Variants in LRRTM4 observed in about 807,000 individuals in gnomAD.
The protein encoded by LRRTM4 is leucine rich repeat transmembrane neuronal 4, also known as leucine-rich repeat transmembrane neuronal protein 4.
Under a neutral mutation model 47.6 loss-of-function variants are expected in LRRTM4, and 25 were observed. The ratio of observed to expected loss-of-function variants is 0.53; its 90% CI spans 0.38 to 0.73. LRRTM4 has a LOEUF of 0.73. Ranked by LOEUF, LRRTM4 falls within the 30% of genes least tolerant of loss-of-function variation. The pLI is 0.00. For synonymous variants in LRRTM4, 311 were observed against 269.5 expected, an observed-to-expected ratio of 1.15 and a Z score of -1.51; for missense variants, 638 against 713.4, an observed-to-expected ratio of 0.89 and a Z score of 1.20.
At chr2:77,226,531 TTATATACATATATATATATA>T (rs1367201339) in intron 3 of LRRTM4, among the ~76,000 whole-genome samples, 2 of 84,106 alleles carry the variant, frequency 2.4e-5, no homozygotes, top group Non-Finnish European at 4.5e-5. Context: ...ACAGAGCAAA[TTATATACATATATATATATA>T]TATATATATA....
chr2:76,920,240 C>G (rs1156295734), intron 3 of LRRTM4, among the ~76,000 whole-genome samples: 1 of 151,944 alleles, frequency 6.6e-6, no homozygotes, highest in Non-Finnish European at 1.5e-5. Flanking sequence ...TTTTCTTTTC[C>G]TATAGAAATA....
chr2:76,857,304 T>C (rs371381598), intron 3 of LRRTM4, among the ~76,000 whole-genome samples: 1 of 148,088 alleles, frequency 6.8e-6, no homozygotes, highest in Non-Finnish European at 1.5e-5. Context: ...AAACACAGTA[T>C]ATATAATATA....
At chr2:77,299,234 TCTCTCTCTTTATCTATATATATATA>T (rs1270226158) in intron 3 of LRRTM4, among the ~76,000 whole-genome samples, 1 of 138,112 alleles carries the variant, frequency 7.2e-6, no homozygotes, top group African/African-American at 2.8e-5. Context: ...CTACAATCTC[TCTCTCTCTTTATCTATATATATATA>T]CACACACACA....
chr2:77,052,721 G>T (rs994617396), intron 3 of LRRTM4, among the ~76,000 whole-genome samples: 4 of 146,854 alleles, frequency 2.7e-5, no homozygotes, highest in East Asian at 4.0e-4. Context: ...TGTGCGTAGG[G>T]GTGTGTGTGT....
chr2:77,149,034 A>G (rs1017611541), intron 3 of LRRTM4, among the ~76,000 whole-genome samples: 6 of 152,184 alleles, frequency 3.9e-5, no homozygotes, highest in Admixed American at 1.3e-4. Flanking sequence ...ATGTGAAACT[A>G]TCTTTGTCTA....
chr2:77,213,267 C>T (rs1256981765), intron 3 of LRRTM4, among the ~76,000 whole-genome samples: 7 of 152,138 alleles, frequency 4.6e-5, no homozygotes, highest in African/African-American at 1.7e-4. Context: ...GGAACATTGC[C>T]AAGTTGACAG....
chr2:77,128,488 GAC>G (rs1671712393), intron 3 of LRRTM4, among the ~76,000 whole-genome samples: 1 of 152,104 alleles, frequency 6.6e-6, no homozygotes, highest in African/African-American at 2.4e-5. Context: ...ATGTATTTGT[GAC>G]AGTCAGACTC....
intron 3 of LRRTM4, among the ~76,000 whole-genome samples, chr2:76,773,838 G>A (rs1270496129): frequency 2.0e-5 from 3 of 150,610 alleles, no homozygotes; most frequent in South Asian, 2.1e-4. Flanking sequence ...ACAAAATTAC[G>A]AATAATGGTA....
intron 3 of LRRTM4, among the ~76,000 whole-genome samples, chr2:77,131,436 T>A (rs1481830408): frequency 6.6e-6 from 1 of 152,184 alleles, no homozygotes; most frequent in Non-Finnish European, 1.5e-5. Flanking sequence ...GTTAAATTCA[T>A]AAAACAGAAT....
intron 3 of LRRTM4, among the ~76,000 whole-genome samples, chr2:77,187,415 A>G (rs1200617875): frequency 4.7e-5 from 7 of 147,754 alleles, no homozygotes; most frequent in African/African-American, 1.7e-4. Context: ...TATAAAAGTC[A>G]TATTACAATG....
At chr2:77,355,427 C>T (rs1273695925) in intron 3 of LRRTM4, among the ~76,000 whole-genome samples, 1 of 151,956 alleles carries the variant, frequency 6.6e-6, no homozygotes, top group East Asian at 1.9e-4. Context: ...GTAAAGTATC[C>T]ATATTGAAAA....
intron 3 of LRRTM4, among the ~76,000 whole-genome samples, chr2:77,453,327 G>A (rs1031789220): frequency 5.3e-5 from 8 of 151,644 alleles, no homozygotes; most frequent in East Asian, 3.9e-4. Flanking sequence ...GACCACAGGC[G>A]CCCACCACCA....
intron 3 of LRRTM4, among the ~76,000 whole-genome samples, chr2:77,348,199 A>G (rs193026287): frequency 6.6e-6 from 1 of 152,012 alleles, no homozygotes; most frequent in South Asian, 2.1e-4. Context: ...CATTTAGATA[A>G]GTTGTATATA....
intron 3 of LRRTM4, among the ~76,000 whole-genome samples, chr2:76,909,199 A>T (rs2103772799): frequency 6.6e-6 from 1 of 152,312 alleles, no homozygotes; most frequent in African/African-American, 2.4e-5. Flanking sequence ...GCTTATCTAC[A>T]ACTATCTGAT....
At chr2:77,047,738 T>C (rs1457592369) in intron 3 of LRRTM4, among the ~76,000 whole-genome samples, 3 of 152,064 alleles carry the variant, frequency 2.0e-5, no homozygotes, top group Non-Finnish European at 4.4e-5. Context: ...ATTCACATTC[T>C]GAGGGACTGG....
intron 3 of LRRTM4, among the ~76,000 whole-genome samples, chr2:76,843,570 A>G (rs1671750462): frequency 6.6e-6 from 1 of 152,210 alleles, no homozygotes; most frequent in Non-Finnish European, 1.5e-5. Flanking sequence ...ATAACAATAA[A>G]TTATTTTTGT....
intron 3 of LRRTM4, among the ~76,000 whole-genome samples, chr2:77,141,448 A>C (rs925981473): frequency 1.5e-5 from 2 of 134,154 alleles, no homozygotes; most frequent in East Asian, 2.7e-4. Flanking sequence ...AGGAGGGGGA[A>C]CATCACACAC....
At chr2:77,318,161 C>A (rs1423268253) in intron 3 of LRRTM4, among the ~76,000 whole-genome samples, 1 of 151,938 alleles carries the variant, frequency 6.6e-6, no homozygotes, top group Admixed American at 6.6e-5. Flanking sequence ...CGCCCGCCAC[C>A]ACGCCCCGCT....
chr2:77,447,765 A>T (rs1676110022), intron 3 of LRRTM4, among the ~76,000 whole-genome samples: 1 of 152,144 alleles, frequency 6.6e-6, no homozygotes, highest in African/African-American at 2.4e-5. Context: ...TGTATTGCAC[A>T]ATTATGCAGA....
Sources: allele counts gnomAD v4.1 joint callset (sites outside exome capture counted in the v4.1 genomes callset), GRCh38; gene constraint gnomAD v4.1.1; transcripts MANE v1.5; gene names NCBI Gene and HGNC (gene_info 2026-07-23, HGNC 2026-07-21).